PCLO: variants seen among roughly 807,000 people sequenced by gnomAD.
PCLO encodes the protein protein piccolo.
Under a neutral mutation model 427.5 loss-of-function variants are expected in PCLO, and 82 were observed. The ratio of observed to expected loss-of-function variants is 0.19; its 90% CI spans 0.16 to 0.23. The LOEUF is 0.23. Ranked by LOEUF, PCLO falls within the 10% of genes least tolerant of loss-of-function variation. The pLI is 1.00. For synonymous variants in PCLO, 2,357 were observed against 2,155.4 expected (o/e 1.09, Z -2.59); for missense variants, 6,239 against 6,115.9 (o/e 1.02, Z -0.67).
intron 2 of PCLO, among the ~76,000 whole-genome samples, chr7:83,147,251 G>A (rs1792018686): frequency 6.6e-6 from 1 of 151,912 alleles, no homozygotes; most frequent in Admixed American, 6.6e-5. Context: ...GTTTGTAAAC[G>A]TAATTAAATA....
At chr7:83,129,273 G>A (rs966984073) in intron 3 of PCLO, among the ~76,000 whole-genome samples, 1 of 152,028 alleles carries the variant, frequency 6.6e-6, no homozygotes, top group Non-Finnish European at 1.5e-5. Context: ...CAAAATAGCT[G>A]CCCTATTATA....
intron 3 of PCLO, among the ~76,000 whole-genome samples, chr7:83,117,234 G>C (rs1056253530): frequency 9.2e-5 from 14 of 152,144 alleles, no homozygotes; most frequent in Non-Finnish European, 1.3e-4. Context: ...CTGAGAAGTA[G>C]TCCTTCTTCA....
intron 19 of PCLO, 107 bp downstream of exon 19, chr7:82,824,129 G>T: frequency 1.5e-6 from 1 of 682,598 alleles, no homozygotes; most frequent in Non-Finnish European, 2.4e-6. Context: ...TTTTCCAGTC[G>T]TGTCTAATCT....
Position 83,162,652 on chromosome 7 carries a change from C to T in PCLO, c.-60G>A. The T allele has an allele frequency of 6.8e-7, 1 of 1,476,084 alleles. No homozygotes were observed. Among genetic ancestry groups the T allele is most frequent in the South Asian group, 1.4e-5 (1 of 73,004 alleles). 91.4% of individuals were successfully genotyped at this position (1,476,084 alleles called of 1,614,324 possible). On this transcript the variant is annotated 5_prime_UTR_variant, in exon 1 of 25. Coordinates refer to ENST00000333891, the MANE Select transcript of PCLO (RefSeq NM_033026.6). ...CTCGCGCCGCGTCCCAGTCGAGAAG[C>T]CCGCGGCCAGGGGAGCAGTCAGAGC... is the stretch of plus-strand genomic sequence containing the variant.
At chr7:83,143,545 C>CCAT (rs34019436) in intron 2 of PCLO, among the ~76,000 whole-genome samples, 113,467 of 151,206 alleles carry the variant, frequency 0.75, 43,033 homozygotes, top group East Asian at 0.99. Flanking sequence ...ACTCTTTTCA[C>CCAT]AATAATGCTA....
intron 4 of PCLO, among the ~76,000 whole-genome samples, chr7:82,961,521 T>G (rs2115622353): frequency 6.6e-6 from 1 of 152,336 alleles, no homozygotes; most frequent in South Asian, 2.1e-4. Context: ...CACTGTGGCG[T>G]GCACATACCC....
chr7:83,037,355 C>T (rs1295574602), intron 3 of PCLO, among the ~76,000 whole-genome samples: 1 of 151,994 alleles, frequency 6.6e-6, no homozygotes, highest in Non-Finnish European at 1.5e-5. Context: ...AATAGCCACC[C>T]AGCCTATCAC....
At chr7:83,053,320 T>C (rs1279315797) in intron 3 of PCLO, among the ~76,000 whole-genome samples, 1 of 151,934 alleles carries the variant, frequency 6.6e-6, no homozygotes, top group Admixed American at 6.6e-5. Context: ...CAGCTAACCA[T>C]TACACACTGA....
intron 3 of PCLO, among the ~76,000 whole-genome samples, chr7:83,002,704 C>G (rs979740051): frequency 2.0e-5 from 3 of 151,810 alleles, no homozygotes; most frequent in African/African-American, 7.3e-5. Context: ...ACTGTAGTGT[C>G]ATTTAAATGG....
chr7:82,905,072 T>C (rs1794153867), intron 8 of PCLO, among the ~76,000 whole-genome samples: 1 of 152,034 alleles, frequency 6.6e-6, no homozygotes, highest in Non-Finnish European at 1.5e-5. Context: ...TAGGTGTTGC[T>C]AACGCCAAAT....
intron 10 of PCLO, among the ~76,000 whole-genome samples, chr7:82,869,548 G>A (rs979524952): frequency 1.3e-5 from 2 of 151,940 alleles, no homozygotes; most frequent in South Asian, 2.1e-4. Flanking sequence ...CCTGACAAAC[G>A]GCTCTAGGAT....
chr7:82,980,168 C>T (rs1364778724), intron 3 of PCLO, among the ~76,000 whole-genome samples: 1 of 149,400 alleles, frequency 6.7e-6, no homozygotes, highest in Non-Finnish European at 1.5e-5. Flanking sequence ...ATCCTCACAC[C>T]TGCTCAGTGT....
intron 15 of PCLO, among the ~76,000 whole-genome samples, chr7:82,836,689 C>G (rs1432890960): frequency 6.6e-6 from 1 of 152,042 alleles, no homozygotes; most frequent in Non-Finnish European, 1.5e-5. Context: ...TGAGTATTAT[C>G]TAATTTGGTT....
Position 82,756,002 on chromosome 7 carries a change from G to A in PCLO, c.*2573C>T, listed in dbSNP as rs978424067. The A allele has an allele frequency of 1.1e-4, 16 of 152,164 alleles. No individual in the cohort carries two copies. The highest frequency in any genetic ancestry group is 3.4e-3 in the Middle Eastern group (1 of 294). 9.4% of individuals were successfully genotyped at this position (152,164 alleles called of 1,614,324 possible). On this transcript the variant is annotated 3_prime_UTR_variant, in exon 25 of 25. Coordinates refer to ENST00000333891, the MANE Select transcript of PCLO (RefSeq NM_033026.6). ...CATCGCTAGTTCCTTGGAACGGAGG[G>A]GCTTCTATAATGGAAAGACTCCTAC...
intron 3 of PCLO, among the ~76,000 whole-genome samples, chr7:83,095,950 C>T (rs1584017143): frequency 6.6e-6 from 1 of 152,094 alleles, no homozygotes; most frequent in East Asian, 1.9e-4. Flanking sequence ...GGTTATAAAA[C>T]TTACAAATAA....
chr7:82,835,701 G>A lies in PCLO; in HGVS notation c.14223-8C>T, dbSNP rs1254446649. The A allele has an allele frequency of 1.2e-6, 2 of 1,607,670 alleles. No homozygotes were observed. Among genetic ancestry groups the A allele is most frequent in the East Asian group, 2.2e-5 (1 of 44,672 alleles). ...TGGACAACCATGACTTGACTGCATT[G>A]ATTCCAAGAGCGAGAGTGAAGGGGT... On this transcript the variant is annotated splice_polypyrimidine_tract_variant and splice_region_variant and intron_variant, in intron 15 of 24. Coordinates refer to ENST00000333891, the MANE Select transcript of PCLO (RefSeq NM_033026.6).
At chr7:82,943,319 C>T (rs1303899407) in intron 6 of PCLO, among the ~76,000 whole-genome samples, 3 of 152,024 alleles carry the variant, frequency 2.0e-5, no homozygotes, top group Non-Finnish European at 2.9e-5. Flanking sequence ...GATGAAATAG[C>T]TTCAACAATT....
intron 3 of PCLO, among the ~76,000 whole-genome samples, chr7:83,120,536 A>G (rs991091563): frequency 6.6e-6 from 1 of 152,146 alleles, no homozygotes; most frequent in Non-Finnish European, 1.5e-5. Context: ...CTATCTCAAG[A>G]CATTTAAAAA....
chr7:82,822,527 T>TCGGCAGCAGCTATGGCAGCCC lies in PCLO; in HGVS notation c.14738_14758dup (p.Gly4913_Ala4919dup). On this transcript the variant is annotated inframe_insertion, in exon 20 of 25. Coordinates refer to ENST00000333891, the MANE Select transcript of PCLO (RefSeq NM_033026.6). ...AATGCGGAGTTGTTGCACGGCAGCT[T>TCGGCAGCAGCTATGGCAGCCC]CGGCAGCAGCTATGGCAGCCCCTGC... 1 of 1,613,888 alleles carries TCGGCAGCAGCTATGGCAGCCC rather than the reference T, an allele frequency of 6.2e-7. No individual in the cohort carries two copies. The highest frequency in any genetic ancestry group is 8.5e-7 in the Non-Finnish European group (1 of 1,179,858).
Sources: allele counts gnomAD v4.1 joint callset (sites outside exome capture counted in the v4.1 genomes callset), GRCh38; gene constraint gnomAD v4.1.1; transcripts MANE v1.5; gene names NCBI Gene and HGNC (gene_info 2026-07-23, HGNC 2026-07-21).